Variants in GBP1 observed in about 807,000 individuals in gnomAD.
GBP1 encodes guanylate-binding protein 1.
GBP1 carries 64 observed loss-of-function variants against 69.5 expected under a neutral mutation model. The observed-to-expected ratio is 0.92, with a 90% CI of 0.75 to 1.13. The LOEUF is 1.13. Among genes scored for constraint, GBP1 ranks in the 50% most tolerant of loss-of-function variants. The pLI is 0.00. For synonymous variants in GBP1, 250 were observed against 261.2 expected (o/e 0.96, Z 0.41); for missense variants, 630 against 704.1 (o/e 0.89, Z 1.19).
At position 89,057,045 on chromosome 1, in the gene GBP1, T is replaced by C; in HGVS notation, c.964A>G (p.Ile322Val). The change falls in exon 7 of 11, where the codon ATA becomes GTA. Residue 322 changes from isoleucine to valine, a missense_variant. This residue lies in a region of GBP1 where 367 missense variants were observed against 369.5 expected (regional missense o/e 0.99). Transcript: ENST00000370473. ...MENAVLALAQIENSAAVQKAI... is the reference protein window; with the variant it reads ...MENAVLALAQVENSAAVQKAI... The stretch of plus-strand genomic sequence containing the variant: ...TTTTGCACTGCAGCTGAGTTCTCTA[T>C]CTGGGCCAAGGCCAGGACTGCGTTC... 2 of 1,614,234 alleles carry C rather than the reference T, an allele frequency of 1.2e-6. No homozygotes were observed. Among genetic ancestry groups the C allele is most frequent in the Non-Finnish European group, 1.7e-6 (2 of 1,180,026 alleles).
rs142226400 is a variant in GBP1 at position 89,056,212 on chromosome 1, T to C, written c.1172A>G (p.Lys391Arg). The stretch of plus-strand genomic sequence containing the variant: ...ATTCTGTTTACAAAAGTCATCCCGC[T>C]TTTTTTCTAGCTGGGCCTTTAATGT... ...QKELAAQLEK[K>R]RDDFCKQNQE... is the part of the protein sequence containing the mutation. The change falls in exon 8 of 11, where the codon AAG becomes AGG. Residue 391 changes from lysine (K) to arginine (R), a missense_variant. By Grantham distance (26) the Lys-to-Arg change is conservative. Around this residue, in one of 5 missense-constraint regions of GBP1, gnomAD observed 367 missense variants for 369.5 expected, o/e 0.99. Transcript: ENST00000370473. 250 of 1,613,922 alleles carry C rather than the reference T, an allele frequency of 1.5e-4. 16 individuals carry two copies. The highest frequency in any genetic ancestry group is 5.6e-4 in the East Asian group (25 of 44,890).
chr1:89,059,578 A>C (rs1204577711), intron 3 of GBP1, 152 bp from the exon 4 acceptor site: 2 of 774,808 alleles, frequency 2.6e-6, no homozygotes. Context: ...TATTAAAGGA[A>C]GACAAATACA....
chr1:89,059,182 C>G, intron 4 of GBP1, 135 bp downstream of exon 4: 1 of 1,589,862 alleles, frequency 6.3e-7, no homozygotes, highest in Admixed American at 1.8e-5. Flanking sequence ...TACATGGGAT[C>G]TCTCCTCTGT....
chr1:89,058,915 G>A lies in GBP1; in HGVS notation c.557C>T (p.Ser186Phe). 6.2e-7 allele frequency: 1 copy of A among 1,614,170 alleles called. No individual in the cohort carries two copies. The highest frequency in any genetic ancestry group is 1.1e-5 in the South Asian group (1 of 91,084). ...PDFVWTLRDFSLDLEADGQPL... is the reference protein window; with the variant it reads ...PDFVWTLRDFFLDLEADGQPL... ...TTGTCCATCTGCTTCCAAGTCCAGG[G>A]AGAAATCTCTCAGTGTCCACACAAA... The change falls in exon 5 of 11, where the codon TCC (serine) becomes TTC (phenylalanine). Residue 186 changes from serine (S) to phenylalanine (F), a missense_variant. Ser to Phe is a radical substitution (Grantham distance 155, BLOSUM62 -2). Coordinates refer to ENST00000370473, the MANE Select transcript of GBP1 (RefSeq NM_002053.3).
intron 10 of GBP1, 27 bp from the exon 11 acceptor site, chr1:89,053,495 TA>T (rs767415717): frequency 1.9e-6 from 3 of 1,609,124 alleles, no homozygotes; most frequent in Non-Finnish European, 1.7e-6. Context: ...GAAGGCTGAG[TA>T]AAGTGTAGCA....
Position 89,058,054 on chromosome 1 carries a change from G to C in GBP1, c.812C>G (p.Ser271Cys), listed in dbSNP as rs868595106. 6.2e-7 allele frequency: 1 copy of C among 1,614,024 alleles called. No individual in the cohort carries two copies. Among genetic ancestry groups the C allele is most frequent in the Non-Finnish European group, 8.5e-7 (1 of 1,180,024 alleles). Residue 271 changes from serine (S) to cysteine (C), a missense_variant, in exon 6 of 11, where the codon TCC becomes TGC. Ser to Cys is a moderately radical substitution (Grantham distance 112, BLOSUM62 -1). Coordinates refer to ENST00000370473, the MANE Select transcript of GBP1 (RefSeq NM_002053.3). Reference sequence around the variant, plus strand: ...AGTTTTGGAATTACTAAAGATGTAGGAACAGAAGTCTGCTACTTGTTGCAC... The same window carrying C: ...AGTTTTGGAATTACTAAAGATGTAGCAACAGAAGTCTGCTACTTGTTGCAC... ...EFVQQVADFCSYIFSNSKTKT... is the reference protein window; with the variant it reads ...EFVQQVADFCCYIFSNSKTKT...
At chr1:89,054,315 T>A (rs535335861) in intron 10 of GBP1, among the ~76,000 whole-genome samples, 1 of 152,284 alleles carries the variant, frequency 6.6e-6, no homozygotes, top group African/African-American at 2.4e-5. Flanking sequence ...TTAGCCAGGA[T>A]GGCCTCAATC....
Position 89,054,859 on chromosome 1 carries a change from A to G in GBP1, c.1488T>C (p.Ala496=), listed in dbSNP as rs770081609. ...TTTTTGCTGAAGCCTGTGCAGACTCAGCTTTCACACGTTCCACTGAGGAGG... is the reference window on the plus strand; with the variant it reads ...TTTTTGCTGAAGCCTGTGCAGACTCGGCTTTCACACGTTCCACTGAGGAGG... The part of the protein sequence containing the change: ...EKEIEVERVK[A]ESAQASAKML... Residue 496 remains alanine, a synonymous_variant, in exon 10 of 11, where the codon GCT becomes GCC. Transcript: ENST00000370473. 3.1e-6 allele frequency: 5 copies of G among 1,613,682 alleles called. No homozygotes were observed. Among genetic ancestry groups the G allele is most frequent in the South Asian group, 1.1e-5 (1 of 90,958 alleles).
In GBP1 at chr1:89,056,217, T is replaced by G. The variant is rs746423353; in HGVS notation, c.1167A>C (p.Glu389Asp). The change falls in exon 8 of 11, where the codon GAA (glutamate) becomes GAC (aspartate). Residue 389 changes from glutamate (E) to aspartate (D), a missense_variant. By Grantham distance (45) the Glu-to-Asp change is conservative (BLOSUM62 2). This residue lies in a region of GBP1 where 367 missense variants were observed against 369.5 expected (regional missense o/e 0.99). Coordinates refer to ENST00000370473, the MANE Select transcript of GBP1 (RefSeq NM_002053.3). Reference protein sequence around the residue: ...LFQKELAAQLEKKRDDFCKQN... With the variant: ...LFQKELAAQLDKKRDDFCKQN... ...GTTTACAAAAGTCATCCCGCTTTTT[T>G]TCTAGCTGGGCCTTTAATGTAAAAA... 98 of 1,613,844 alleles carry G rather than the reference T, an allele frequency of 6.1e-5. No individual in the cohort carries two copies. Among genetic ancestry groups the G allele is most frequent in the African/African-American group, 1.9e-4 (14 of 74,906 alleles).
chr1:89,058,121 G>A lies in GBP1; in HGVS notation c.745C>T (p.Gln249Ter), dbSNP rs202003812. ...DRPVHRRKLA[Q>*]LEKLQDEELD... is the part of the protein sequence containing the mutation. ...TCTTCATCTTGTAGTTTCTCGAGCTGGGCAAGCTTCCTGCGGTGAACGGGC... is the reference window on the plus strand; with the variant it reads ...TCTTCATCTTGTAGTTTCTCGAGCTAGGCAAGCTTCCTGCGGTGAACGGGC... Residue 249 changes from glutamine to a stop codon, truncating the protein, a stop_gained, in exon 6 of 11, where the codon CAG (glutamine) becomes TAG (stop). Transcript: ENST00000370473. LOFTEE classifies it high-confidence loss of function. 3.1e-6 allele frequency: 5 copies of A among 1,614,140 alleles called. No individual in the cohort carries two copies. The South Asian group carries it at 5.5e-5, about 18-fold the overall frequency.
rs1557748595 is a variant in GBP1, at chr1:89,056,781, A to G, written c.1155+73T>C. On this transcript the variant is annotated intron_variant, in intron 7 of 10. Transcript: ENST00000370473. ...GGAGGAATTACTTCCGTCAAAATAA[A>G]TAATAGTTTTCTTTCCTTGTGGTAC... The G allele has an allele frequency of 2.0e-6, 3 of 1,489,242 alleles. No homozygotes were observed. The Admixed American group carries it at 6.0e-5, about 30-fold the overall frequency. The allele number at this position is 1,489,242 out of a possible 1,614,324, so 92.3% of individuals were successfully genotyped here.
At chr1:89,061,793 A>T (rs374668391) in intron 2 of GBP1, among the ~76,000 whole-genome samples, 30 of 152,124 alleles carry the variant, frequency 2.0e-4, no homozygotes, top group African/African-American at 7.0e-4. Flanking sequence ...AAAATATAAA[A>T]AAATTTACAA....
intron 1 of GBP1, among the ~76,000 whole-genome samples, chr1:89,064,582 T>C (rs1680289565): frequency 6.6e-6 from 1 of 152,172 alleles, no homozygotes; most frequent in Non-Finnish European, 1.5e-5. Context: ...AAGAAAGTAA[T>C]CCATTCTGAA....
intron 10 of GBP1, 133 bp from the exon 11 acceptor site, chr1:89,053,601 G>T: frequency 7.2e-7 from 1 of 1,393,128 alleles, no homozygotes. Flanking sequence ...TCATACTTTG[G>T]CCTATCATTG....
chr1:89,064,199 A>ATGTGTGTG (rs759907157), intron 1 of GBP1, among the ~76,000 whole-genome samples: 36 of 100,790 alleles, frequency 3.6e-4, no homozygotes, highest in African/African-American at 1.2e-3. Flanking sequence ...GGGGCTGGGA[A>ATGTGTGTG]TGTGTGTGTG....
chr1:89,054,847 C>T lies in GBP1; in HGVS notation c.1500G>A (p.Gln500=), dbSNP rs1349791396. ...EVERVKAESA[Q]ASAKMLQEMQ... ...TTTCCTGCAACATTTTTGCTGAAGC[C>T]TGTGCAGACTCAGCTTTCACACGTT... Residue 500 remains glutamine, a synonymous_variant, in exon 10 of 11, where the codon CAG becomes CAA. Coordinates refer to ENST00000370473, the MANE Select transcript of GBP1 (RefSeq NM_002053.3). 1.2e-6 allele frequency: 2 copies of T among 1,614,032 alleles called. No homozygotes were observed. The highest frequency in any genetic ancestry group is 1.7e-6 in the Non-Finnish European group (2 of 1,180,022).
chr1:89,063,308 G>A (rs1680251051), intron 1 of GBP1, 55 bp from the exon 2 acceptor site: 1 of 1,522,510 alleles, frequency 6.6e-7, no homozygotes, highest in Admixed American at 1.8e-5. Context: ...CAATTATAAG[G>A]GAGAATCATA....
At chr1:89,056,590 A>G (rs1262185742) in intron 7 of GBP1, among the ~76,000 whole-genome samples, 3 of 152,232 alleles carry the variant, frequency 2.0e-5, no homozygotes, top group Non-Finnish European at 4.4e-5. Flanking sequence ...GTCTGAGAAG[A>G]GTGGGCAGGT....
intron 2 of GBP1, among the ~76,000 whole-genome samples, chr1:89,061,687 T>A (rs183183990): frequency 0.013 from 1,940 of 152,210 alleles, 22 homozygotes; most frequent in Non-Finnish European, 0.018. Flanking sequence ...AACTTTTGTG[T>A]ATTAACGGAC....
Sources: allele counts gnomAD v4.1 joint callset (sites outside exome capture counted in the v4.1 genomes callset), GRCh38; gene constraint gnomAD v4.1.1; regional missense constraint gnomAD v4.1.1; transcripts MANE v1.5; gene names NCBI Gene and HGNC (gene_info 2026-07-23, HGNC 2026-07-21).